SPOP: variants seen among roughly 807,000 people sequenced by gnomAD.
The protein encoded by SPOP is speckle type BTB/POZ protein, also known as speckle-type POZ protein.
Under a neutral mutation model 45.6 loss-of-function variants are expected in SPOP, and 11 were observed. That is an observed-to-expected ratio of 0.24 (90% CI 0.15 to 0.40). SPOP has a LOEUF of 0.40. SPOP is among the 10% of genes least tolerant of loss of function. SPOP has a pLI of 1.00. For synonymous variants in SPOP, 166 were observed against 166.3 expected (o/e 1.00, Z 0.01); for missense variants, 152 against 465.6 (o/e 0.33, Z 6.20).
chr17:49,677,236 T>C (rs965023207), intron 1 of SPOP, among the ~76,000 whole-genome samples: 3 of 152,152 alleles, frequency 2.0e-5, no homozygotes, highest in Non-Finnish European at 4.4e-5. Flanking sequence ...TTAGGGTAAG[T>C]TGGTACTAAA....
intron 1 of SPOP, among the ~76,000 whole-genome samples, chr17:49,652,084 G>A (rs968282667): frequency 2.0e-5 from 3 of 152,002 alleles, no homozygotes; most frequent in African/African-American, 4.8e-5. Context: ...TCCCTAACCT[G>A]AAAATCTGAA....
intron 1 of SPOP, among the ~76,000 whole-genome samples, chr17:49,641,859 C>CA (rs749146346): frequency 2.6e-5 from 4 of 151,674 alleles, no homozygotes; most frequent in Non-Finnish European, 5.9e-5. Context: ...CTGTCTCTAC[C>CA]AAAAAATACA....
At chr17:49,633,561 C>A (rs1201719592) in intron 1 of SPOP, among the ~76,000 whole-genome samples, 3 of 152,212 alleles carry the variant, frequency 2.0e-5, no homozygotes, top group South Asian at 2.1e-4. Flanking sequence ...AAATGTAATG[C>A]CAAGTTAAGT....
chr17:49,657,171 G>A (rs2072924520), intron 1 of SPOP, among the ~76,000 whole-genome samples: 1 of 151,654 alleles, frequency 6.6e-6, no homozygotes, highest in South Asian at 2.1e-4. Context: ...ACTCCAGCCT[G>A]GGCGACAGAG....
intron 3 of SPOP, among the ~76,000 whole-genome samples, chr17:49,621,585 G>C (rs552510545): frequency 6.6e-6 from 1 of 152,200 alleles, no homozygotes; most frequent in African/African-American, 2.4e-5. Flanking sequence ...CTCATGCATA[G>C]CTATAGTTAG....
intron 1 of SPOP, among the ~76,000 whole-genome samples, chr17:49,641,420 CA>C (rs1389438812): frequency 6.6e-6 from 1 of 151,508 alleles, no homozygotes; most frequent in Non-Finnish European, 1.5e-5. Flanking sequence ...TAAACTCTAC[CA>C]AGACAGGTTC....
chr17:49,600,694 T>A lies in SPOP; in HGVS notation c.981-172A>T. Reference sequence around the variant, plus strand: ...GCTTGTTAGACAATGAGCAGACTGGTGACTTGCCTGTGGCTGTCGTCATCT... The same window carrying A: ...GCTTGTTAGACAATGAGCAGACTGGAGACTTGCCTGTGGCTGTCGTCATCT... On this transcript the variant is annotated intron_variant, in intron 9 of 9. Transcript: ENST00000504102. This position sits in a 1 kb window ranked among gnomAD's most constrained non-coding sequence, Gnocchi z 4.2. The A allele has an allele frequency of 3.0e-6, 2 of 670,310 alleles. No individual in the cohort carries two copies. Among genetic ancestry groups the A allele is most frequent in the South Asian group, 2.0e-5 (1 of 49,750 alleles). 41.5% of individuals were successfully genotyped at this position (670,310 alleles called of 1,614,324 possible).
chr17:49,652,708 C>A (rs2072858595), intron 1 of SPOP, among the ~76,000 whole-genome samples: 1 of 152,066 alleles, frequency 6.6e-6, no homozygotes, highest in African/African-American at 2.4e-5. Context: ...ACAGTAAAAC[C>A]AATTTTAAAC....
Position 49,665,759 on chromosome 17 carries a change from G to A in SPOP, c.-67+12174C>T, listed in dbSNP as rs1196824739. Among the ~76,000 whole-genome samples, 4 of 150,920 alleles carry A rather than the reference G, an allele frequency of 2.7e-5. No individual in the cohort carries two copies. In the Admixed American group the frequency reaches 2.7e-4, roughly 10 times the overall value. On this transcript the variant is annotated intron_variant, in intron 1 of 9. Transcript: ENST00000504102. ...AGCACTTTGGGAGGCTGAGGCGGGT[G>A]GATCACCTGAGGTTAGGAGTTCAAG...
intron 1 of SPOP, among the ~76,000 whole-genome samples, chr17:49,650,232 A>C (rs2072823938): frequency 1.3e-5 from 2 of 152,142 alleles, no homozygotes; most frequent in Admixed American, 1.3e-4. Context: ...ACAACTACTC[A>C]TAGTGGGACC....
chr17:49,615,073 G>C (rs1426428001), intron 5 of SPOP, among the ~76,000 whole-genome samples: 2 of 152,028 alleles, frequency 1.3e-5, no homozygotes, highest in Non-Finnish European at 2.9e-5. Context: ...TGCCCAGGCT[G>C]GTCTCGAACT....
chr17:49,618,890 C>G, intron 5 of SPOP, 91 bp downstream of exon 5: 1 of 1,461,720 alleles, frequency 6.8e-7, no homozygotes, highest in Non-Finnish European at 9.1e-7. Flanking sequence ...GGGGCTTTTT[C>G]TTACTCTACA....
intron 1 of SPOP, among the ~76,000 whole-genome samples, chr17:49,671,334 C>T (rs1010529337): frequency 6.6e-6 from 1 of 150,700 alleles, no homozygotes; most frequent in Non-Finnish European, 1.5e-5. Context: ...CATTAAATGA[C>T]AAAACCGCAA....
intron 1 of SPOP, among the ~76,000 whole-genome samples, chr17:49,623,259 C>T (rs1201136830): frequency 3.3e-5 from 5 of 152,094 alleles, no homozygotes; most frequent in African/African-American, 9.7e-5. Context: ...CCACCCTCCT[C>T]GGCCTCCCAA....
At chr17:49,646,527 A>G (rs1228961132) in intron 1 of SPOP, 1 of 151,990 alleles carries the variant, frequency 6.6e-6, no homozygotes, top group East Asian at 1.9e-4. Flanking sequence ...CTCAAAAAAA[A>G]AAAAAAAGAG....
chr17:49,665,737 A>G (rs2073049882), intron 1 of SPOP, among the ~76,000 whole-genome samples: 1 of 148,982 alleles, frequency 6.7e-6, no homozygotes, highest in Admixed American at 6.8e-5. Context: ...TAATCTCAGC[A>G]CTTTGGGAGG....
In SPOP at chr17:49,613,907, C is replaced by T. The variant is rs902855443; in HGVS notation, c.481-2450G>A. Among the ~76,000 whole-genome samples, 9 of 152,146 alleles carry T rather than the reference C, an allele frequency of 5.9e-5. No homozygotes were observed. In the East Asian group the frequency reaches 1.7e-3, roughly 29 times the overall value. On this transcript the variant is annotated intron_variant, in intron 5 of 9. Coordinates refer to ENST00000504102, the MANE Select transcript of SPOP (RefSeq NM_001007228.2). ...ATGCCTATAAAGTTGACTGGGGAGA[C>T]TCATTCAGAACTGCAGCTGTGAAGA...
intron 6 of SPOP, 51 bp from the exon 7 acceptor site, chr17:49,607,980 T>G: frequency 3.2e-4 from 496 of 1,542,526 alleles, no homozygotes; most frequent in Non-Finnish European, 4.0e-4. Context: ...GTGAAATCTC[T>G]TGGTTGTTGC....
At position 49,673,008 on chromosome 17, in the gene SPOP, AAG is replaced by A. The variant is rs534153556; in HGVS notation, c.-67+4923_-67+4924del. On this transcript the variant is annotated intron_variant, in intron 1 of 9. Transcript: ENST00000504102. ...AATTGTTCTAGATTTAAAGAGACTA[AAG>A]AGATATATTTGGAGGAAAAAAAGAA... 4.2e-3 allele frequency among the ~76,000 whole-genome samples: 633 copies of A among 152,310 alleles called. 4 individuals are homozygous for A. The highest frequency in any genetic ancestry group is 6.2e-3 in the Non-Finnish European group (421 of 68,016).
Sources: allele counts gnomAD v4.1 joint callset (sites outside exome capture counted in the v4.1 genomes callset), GRCh38; gene constraint gnomAD v4.1.1; non-coding constraint Gnocchi (gnomAD v3.1); transcripts MANE v1.5; gene names NCBI Gene and HGNC (gene_info 2026-07-23, HGNC 2026-07-21).